CCBE1: variants seen among roughly 807,000 people sequenced by gnomAD.
The protein encoded by CCBE1 is collagen and calcium binding EGF domains 1.
In CCBE1, 37 loss-of-function variants were observed where a neutral mutation model predicts 50.0. The observed-to-expected ratio is 0.74, with a 90% CI of 0.57 to 0.97. The LOEUF is 0.97. Among genes scored for constraint, CCBE1 ranks in the 50% least tolerant of loss-of-function variants. The pLI is 0.00. For synonymous variants in CCBE1, 234 were observed against 203.7 expected (o/e 1.15, Z -1.27); for missense variants, 538 against 523.8 (o/e 1.03, Z -0.26).
intron 2 of CCBE1, among the ~76,000 whole-genome samples, chr18:59,642,253 T>A (rs1461215659): frequency 2.6e-5 from 4 of 152,112 alleles, no homozygotes; most frequent in Admixed American, 6.5e-5. Context: ...GTTCTTAATC[T>A]CATTAAGAAT....
At chr18:59,557,626 CCT>C (rs999245924) in intron 2 of CCBE1, among the ~76,000 whole-genome samples, 9 of 152,098 alleles carry the variant, frequency 5.9e-5, no homozygotes, top group African/African-American at 1.7e-4. Flanking sequence ...TTCACTTCAG[CCT>C]CTGTTTGATC....
At chr18:59,605,299 T>A (rs898703134) in intron 2 of CCBE1, among the ~76,000 whole-genome samples, 2 of 152,212 alleles carry the variant, frequency 1.3e-5, no homozygotes, top group Non-Finnish European at 2.9e-5. Context: ...GGATCTTTCC[T>A]CTATTTGCTG....
intron 2 of CCBE1, among the ~76,000 whole-genome samples, chr18:59,687,443 A>G (rs1241671429): frequency 2.0e-5 from 3 of 152,092 alleles, no homozygotes; most frequent in African/African-American, 7.2e-5. Flanking sequence ...TCATTCCTTT[A>G]CCTTCCTATT....
intron 2 of CCBE1, among the ~76,000 whole-genome samples, chr18:59,569,013 C>CAG (rs1321962709): frequency 3.9e-5 from 6 of 152,224 alleles, no homozygotes; most frequent in Admixed American, 6.5e-5. Context: ...TGTTCACTGG[C>CAG]TGTTTCCACT....
At position 59,547,656 on chromosome 18, in the gene CCBE1, A is replaced by C. The variant is rs370919072; in HGVS notation, c.213-67418T>G. Among the ~76,000 whole-genome samples, 7 of 152,322 alleles carry C rather than the reference A, an allele frequency of 4.6e-5. No individual in the cohort carries two copies. In the East Asian group the frequency reaches 1.4e-3, roughly 29 times the overall value. On this transcript the variant is annotated intron_variant, in intron 2 of 10. Transcript: ENST00000439986. Reference sequence around the variant, plus strand: ...TTCAACACACAAAATATTTGCTTTGAGCTGAAGACAATTTTGGTCTAATGA... The same window carrying C: ...TTCAACACACAAAATATTTGCTTTGCGCTGAAGACAATTTTGGTCTAATGA...
chr18:59,623,185 C>T (rs1367533391), intron 2 of CCBE1, among the ~76,000 whole-genome samples: 3 of 152,124 alleles, frequency 2.0e-5, no homozygotes, highest in Non-Finnish European at 4.4e-5. Flanking sequence ...TCTAAAACTG[C>T]TCTAAAAAAA....
chr18:59,552,322 G>A (rs1388995979), intron 2 of CCBE1, among the ~76,000 whole-genome samples: 1 of 152,222 alleles, frequency 6.6e-6, no homozygotes, highest in African/African-American at 2.4e-5. Context: ...TTTCCCCCAG[G>A]ATGTTCACGC....
intron 2 of CCBE1, among the ~76,000 whole-genome samples, chr18:59,515,001 G>C (rs912012878): frequency 6.6e-6 from 1 of 152,154 alleles, no homozygotes; most frequent in African/African-American, 2.4e-5. Context: ...AAGCTCTGAT[G>C]TTTATTTTAC....
At chr18:59,554,598 G>A (rs1291015014) in intron 2 of CCBE1, among the ~76,000 whole-genome samples, 1 of 152,322 alleles carries the variant, frequency 6.6e-6, no homozygotes, top group East Asian at 1.9e-4. Flanking sequence ...AGGGAGGCCA[G>A]AGGACTTGAG....
At chr18:59,639,080 C>A (rs760923094) in intron 2 of CCBE1, among the ~76,000 whole-genome samples, 1 of 152,072 alleles carries the variant, frequency 6.6e-6, no homozygotes, top group Non-Finnish European at 1.5e-5. Context: ...TTGAGACCAG[C>A]GTGAGCAACA....
At chr18:59,683,312 G>A (rs2054616828) in intron 2 of CCBE1, among the ~76,000 whole-genome samples, 1 of 152,142 alleles carries the variant, frequency 6.6e-6, no homozygotes. Context: ...TCCAATAGTG[G>A]GTCAATCTGT....
chr18:59,545,720 G>T (rs1279058205), intron 2 of CCBE1, among the ~76,000 whole-genome samples: 1 of 152,180 alleles, frequency 6.6e-6, no homozygotes, highest in African/African-American at 2.4e-5. Context: ...AATCATGAGG[G>T]CAGTTTCTCC....
rs540941798 is a variant in CCBE1 at position 59,476,373 on chromosome 18, C to T, written c.265+3813G>A. On this transcript the variant is annotated intron_variant, in intron 3 of 10. Coordinates refer to ENST00000439986, the MANE Select transcript of CCBE1 (RefSeq NM_133459.4). ...TACTGCTCCCTTCCCACAGTTTATGCTGAATTAATAATTGCTGAAGTAGAA... is the reference window on the plus strand; with the variant it reads ...TACTGCTCCCTTCCCACAGTTTATGTTGAATTAATAATTGCTGAAGTAGAA... Among the ~76,000 whole-genome samples the T allele has an allele frequency of 6.6e-4, 101 of 152,274 alleles. 1 individual carries two copies. In the South Asian group the frequency reaches 0.021, roughly 31 times the overall value.
At chr18:59,529,769 C>A (rs181159280) in intron 2 of CCBE1, among the ~76,000 whole-genome samples, 7 of 152,182 alleles carry the variant, frequency 4.6e-5, no homozygotes, top group African/African-American at 1.7e-4. Flanking sequence ...GTGGGAGCCT[C>A]CAACTGCAGC....
rs12605186 is a variant in CCBE1 at position 59,592,570 on chromosome 18, A to G, written c.212+104059T>C. The stretch of plus-strand genomic sequence containing the variant: ...AGCAAAGAAAGCCAAGTGCAAATGC[A>G]CACACTGTATGCCAACTTTACTATA... On this transcript the variant is annotated intron_variant, in intron 2 of 10. Coordinates refer to ENST00000439986, the MANE Select transcript of CCBE1 (RefSeq NM_133459.4). 2.1e-3 allele frequency among the ~76,000 whole-genome samples: 315 copies of G among 152,366 alleles called. 4 individuals are homozygous for G. In the East Asian group the frequency reaches 0.032, roughly 15 times the overall value.
intron 2 of CCBE1, among the ~76,000 whole-genome samples, chr18:59,595,462 T>C (rs766413419): frequency 2.0e-5 from 3 of 152,174 alleles, no homozygotes; most frequent in Non-Finnish European, 4.4e-5. Flanking sequence ...TTAACTATAA[T>C]AAATCCAAGA....
intron 2 of CCBE1, among the ~76,000 whole-genome samples, chr18:59,583,259 AAAACAAAC>A (rs145942776): frequency 6.6e-6 from 1 of 151,710 alleles, no homozygotes; most frequent in Non-Finnish European, 1.5e-5. Context: ...CCCACAGAAA[AAAACAAAC>A]AAACAAAACA....
Position 59,435,915 on chromosome 18 carries a change from T to G in CCBE1, c.1214A>C (p.Tyr405Ser), listed in dbSNP as rs770637810. The change falls in exon 11 of 11, where the codon TAC becomes TCC. Residue 405 changes from tyrosine to serine, a missense_variant. Transcript: ENST00000439986. ...TGACGGTGTTGGGATGTGCTATGGG[T>G]AGAAGTCTCTGGGGGCTCTCAAGTC... ...TRDLRAPRDF[Y>S]P 5 of 1,613,808 alleles carry G rather than the reference T, an allele frequency of 3.1e-6. No homozygotes were observed. In the Middle Eastern group the frequency reaches 4.9e-4, roughly 159 times the overall value.
chr18:59,643,827 G>A (rs533732252), intron 2 of CCBE1, among the ~76,000 whole-genome samples: 23 of 151,796 alleles, frequency 1.5e-4, no homozygotes, highest in Non-Finnish European at 3.1e-4. Flanking sequence ...CTCAGAATGC[G>A]GGGTGGGGGT....
Sources: gnomAD v4.1 joint callset for allele counts (sites outside exome capture counted in the v4.1 genomes callset) on GRCh38, gnomAD v4.1.1 for gene constraint, MANE v1.5 for transcripts, NCBI Gene and HGNC (gene_info 2026-07-23, HGNC 2026-07-21) for gene names.